The following ENTREP3 variants were observed in gnomAD, a reference collection of about 807,000 sequenced individuals.
The protein encoded by ENTREP3 is protein ENTREP3.
chr1:155,251,448 T>G, the ENTREP3 span: 1 of 1,315,924 alleles, frequency 7.6e-7, no homozygotes, highest in Non-Finnish European at 1.1e-6. Context: ...CTGTTCAGCT[T>G]TCCAGGCTAC....
the ENTREP3 span, chr1:155,248,439 C>T: frequency 2.9e-4 from 466 of 1,613,890 alleles, 1 homozygote; most frequent in African/African-American, 4.7e-3. Context: ...CAGCTTCTTC[C>T]TCAAGCACTT....
At chr1:155,248,580 G>A in the ENTREP3 span, 46 of 855,616 alleles carry the variant, frequency 5.4e-5, no homozygotes, top group East Asian at 1.8e-4. Context: ...CAGCTCCCAC[G>A]CTCCATCCCC....
the ENTREP3 span, chr1:155,253,480 C>T: frequency 3.3e-6 from 2 of 610,116 alleles, no homozygotes; most frequent in Non-Finnish European, 5.9e-6. Context: ...ACATCCATTC[C>T]TCCAATAGAT....
At chr1:155,251,164 C>A in the ENTREP3 span, 2 of 1,603,002 alleles carry the variant, frequency 1.2e-6, no homozygotes, top group East Asian at 2.3e-5. Context: ...AAGAGAGTGG[C>A]CTGCAGAAGA....
the ENTREP3 span, chr1:155,251,892 C>G: frequency 6.9e-7 from 1 of 1,442,074 alleles, no homozygotes; most frequent in South Asian, 1.6e-5. Context: ...TGAGACTGAC[C>G]GCTCAGGGGC....
chr1:155,253,665 A>G, the ENTREP3 span: 1 of 1,614,080 alleles, frequency 6.2e-7, no homozygotes, highest in Non-Finnish European at 8.5e-7. Flanking sequence ...GATGCAGCAG[A>G]CAATAGCAGA....
the ENTREP3 span, chr1:155,248,352 G>A: frequency 5.0e-6 from 8 of 1,613,510 alleles, no homozygotes; most frequent in Non-Finnish European, 6.8e-6. Flanking sequence ...TGGAGAGGGG[G>A]CTGGGCAGCC....
the ENTREP3 span, among the ~76,000 whole-genome samples, chr1:155,248,687 C>T: frequency 6.6e-6 from 1 of 150,534 alleles, no homozygotes; most frequent in Non-Finnish European, 1.5e-5. Context: ...GCACCTGGCG[C>T]ACAGTGCTGA....
chr1:155,248,223 G>A, the ENTREP3 span: 9 of 1,606,972 alleles, frequency 5.6e-6, no homozygotes, highest in East Asian at 2.2e-5. Context: ...ACAGGGCGCC[G>A]TTTCTCGGCT....
At chr1:155,251,056 A>G in the ENTREP3 span, 4 of 1,575,144 alleles carry the variant, frequency 2.5e-6, no homozygotes. Context: ...TATCCCTGGC[A>G]GCCCCGCCCT....
chr1:155,251,186 G>A, the ENTREP3 span: 2 of 1,579,118 alleles, frequency 1.3e-6, no homozygotes, highest in South Asian at 2.3e-5. Flanking sequence ...ACAGGGTCAA[G>A]GGTTCAGCCC....
the ENTREP3 span, chr1:155,252,071 C>T: frequency 5.7e-6 from 3 of 524,122 alleles, no homozygotes; most frequent in African/African-American, 2.0e-5. Context: ...CTTAACCCCA[C>T]GCTCACCCTG....
At chr1:155,253,691 A>G in the ENTREP3 span, 2 of 1,612,490 alleles carry the variant, frequency 1.2e-6, no homozygotes, top group South Asian at 1.1e-5. Flanking sequence ...TACAGATTAT[A>G]GCGGCACAAA....
At chr1:155,252,102 C>A in the ENTREP3 span, 1 of 458,088 alleles carries the variant, frequency 2.2e-6, no homozygotes, top group South Asian at 5.2e-5. Flanking sequence ...TCTGGCCCTG[C>A]CCACCCACAA....
At chr1:155,254,452 G>A in the ENTREP3 span, 10 of 1,614,036 alleles carry the variant, frequency 6.2e-6, no homozygotes, top group East Asian at 2.2e-5. The surrounding 1 kb of genome is among the most constrained non-coding windows in gnomAD (Gnocchi z 4.4). Flanking sequence ...CCCGGAGAAC[G>A]CCAGCTGGGG....
the ENTREP3 span, among the ~76,000 whole-genome samples, chr1:155,249,396 T>C: frequency 6.6e-6 from 1 of 151,850 alleles, no homozygotes; most frequent in Non-Finnish European, 1.5e-5. Flanking sequence ...CGGCCTGAAG[T>C]ACTATTATTA....
chr1:155,247,840 C>T, the ENTREP3 span: 59 of 1,490,648 alleles, frequency 4.0e-5, no homozygotes, highest in Admixed American at 7.5e-5. Flanking sequence ...GCGGGTACCA[C>T]GCTCCAGCCT....
At chr1:155,248,685 C>T in the ENTREP3 span, among the ~76,000 whole-genome samples, 28 of 150,368 alleles carry the variant, frequency 1.9e-4, no homozygotes, top group African/African-American at 4.7e-4. Context: ...CAGCACCTGG[C>T]GCACAGTGCT....
At chr1:155,250,841 C>T in the ENTREP3 span, 1 of 1,580,830 alleles carries the variant, frequency 6.3e-7, no homozygotes, top group Non-Finnish European at 8.6e-7. The surrounding 1 kb of genome is among the most constrained non-coding windows in gnomAD (Gnocchi z 5.4). Flanking sequence ...GCAGGGGGCG[C>T]TGTGTAGCAC....
Sources: allele counts gnomAD v4.1 joint callset (sites outside exome capture counted in the v4.1 genomes callset), GRCh38; gene constraint gnomAD v4.1.1; non-coding constraint Gnocchi (gnomAD v3.1); transcripts MANE v1.5; gene names NCBI Gene and HGNC (gene_info 2026-07-23, HGNC 2026-07-21).